The following TULP4 variants were observed in gnomAD, a reference collection of about 807,000 sequenced individuals.
TULP4 encodes tubby-related protein 4.
Under a neutral mutation model 129.0 loss-of-function variants are expected in TULP4, and 16 were observed. The ratio of observed to expected loss-of-function variants is 0.12; its 90% CI spans 0.08 to 0.19. The LOEUF (loss-of-function observed/expected upper bound fraction) is 0.19, where lower values mean the gene tolerates loss of function less well. TULP4 is among the 10% of genes least tolerant of loss of function. TULP4 has a pLI of 1.00. For synonymous variants in TULP4, 998 were observed against 854.0 expected (o/e 1.17, Z -2.94); for missense variants, 1,842 against 2,059.1 (o/e 0.89, Z 2.04).
intron 1 of TULP4, among the ~76,000 whole-genome samples, chr6:158,340,887 A>G (rs1047462236): frequency 6.6e-6 from 1 of 152,172 alleles, no homozygotes; most frequent in African/African-American, 2.4e-5. Flanking sequence ...GCTGCTTGAG[A>G]GGGCACAAAT....
At chr6:158,277,815 C>T (rs546530758), upstream of TULP4, among the ~76,000 whole-genome samples, 1 of 152,266 alleles carries the variant, frequency 6.6e-6, no homozygotes, top group South Asian at 2.1e-4. Flanking sequence ...GAAACAACTC[C>T]CTGTAACAGT....
At chr6:158,385,795 A>T (rs1777429377) in intron 1 of TULP4, among the ~76,000 whole-genome samples, 1 of 141,772 alleles carries the variant, frequency 7.1e-6, no homozygotes. Flanking sequence ...AGATATGATG[A>T]CATGCAGCTC....
chr6:158,474,242 GAACA>G (rs1779761213), intron 6 of TULP4, among the ~76,000 whole-genome samples: 2 of 152,172 alleles, frequency 1.3e-5, no homozygotes, highest in Admixed American at 6.5e-5. Flanking sequence ...GCTACAGAAA[GAACA>G]AACAAAGGGT....
At chr6:158,285,950 A>C (rs930374714) in intron 1 of TULP4, among the ~76,000 whole-genome samples, 1 of 152,236 alleles carries the variant, frequency 6.6e-6, no homozygotes, top group African/African-American at 2.4e-5. Flanking sequence ...AGTCCTTTCT[A>C]TATGAAAAAC....
chr6:158,463,705 A>AG (rs1779495209), intron 6 of TULP4, among the ~76,000 whole-genome samples: 1 of 149,600 alleles, frequency 6.7e-6, no homozygotes, highest in Non-Finnish European at 1.5e-5. Context: ...TCATTAAAAA[A>AG]AAAAAAAGAA....
intron 2 of TULP4, among the ~76,000 whole-genome samples, chr6:158,420,345 G>GC (rs1193326424): frequency 1.3e-5 from 2 of 152,166 alleles, no homozygotes. Flanking sequence ...GCCATAGCTT[G>GC]CCAATCCCTG....
chr6:158,436,515 T>C (rs1423497122), intron 3 of TULP4, among the ~76,000 whole-genome samples: 3 of 152,186 alleles, frequency 2.0e-5, no homozygotes, highest in African/African-American at 7.2e-5. Context: ...TACAGGAATC[T>C]CCCTATTTAA....
intron 1 of TULP4, among the ~76,000 whole-genome samples, chr6:158,346,458 ACTCT>A (rs757962915): frequency 9.9e-4 from 151 of 151,788 alleles, no homozygotes; most frequent in Non-Finnish European, 8.4e-4. Flanking sequence ...TCTGAACATA[ACTCT>A]CGTATGCACT....
chr6:158,239,408 G>A (rs1190843879), intron 1 of TULP4, among the ~76,000 whole-genome samples: 3 of 68,264 alleles, frequency 4.4e-5, no homozygotes, highest in African/African-American at 9.0e-5. Context: ...GGCCGGGCGG[G>A]GGGCTGACCC....
Position 158,236,795 on chromosome 6 carries a change from C to CTTTTTTTTTTTT in TULP4, n.68+4517_68+4528dup, listed in dbSNP as rs71030149. Among the ~76,000 whole-genome samples the CTTTTTTTTTTTT allele has an allele frequency of 1.4e-3, 88 of 63,286 alleles. 11 individuals carry two copies. Among genetic ancestry groups the CTTTTTTTTTTTT allele is most frequent in the East Asian group, 2.6e-3 (8 of 3,084 alleles). 41.5% of individuals were successfully genotyped at this position (63,286 alleles called of 152,430 possible). A position where few individuals can be genotyped will look rare whatever the true frequency, so the allele number is the denominator to read the frequency against. On this transcript the variant is annotated intron_variant and non_coding_transcript_variant, in intron 1 of 1. Coordinates refer to the TULP4 transcript ENST00000620026. ...AGATGGGTAAATGCCCAATTCTTTT[C>CTTTTTTTTTTTT]TTTTTTTTTTTTTTTTTTTTTTTTT...
intron 3 of TULP4, among the ~76,000 whole-genome samples, chr6:158,432,010 G>A (rs1778640006): frequency 6.6e-6 from 1 of 150,816 alleles, no homozygotes; most frequent in African/African-American, 2.4e-5. Flanking sequence ...TGTTGTCTCA[G>A]CTAGTCAGGA....
intron 6 of TULP4, among the ~76,000 whole-genome samples, chr6:158,472,749 T>TGCA (rs997458768): frequency 1.6e-4 from 24 of 152,174 alleles, no homozygotes; most frequent in African/African-American, 4.6e-4. Context: ...GGGACGAACT[T>TGCA]GCAGCAGCAG....
chr6:158,387,416 A>C (rs1284907199), intron 1 of TULP4, among the ~76,000 whole-genome samples: 17 of 152,206 alleles, frequency 1.1e-4, no homozygotes, highest in Non-Finnish European at 1.5e-5. Context: ...TTAATCTAAA[A>C]AAAAGGAAGA....
chr6:158,353,116 T>C (rs1309673452), intron 1 of TULP4, among the ~76,000 whole-genome samples: 1 of 152,210 alleles, frequency 6.6e-6, no homozygotes, highest in Non-Finnish European at 1.5e-5. Flanking sequence ...GATATTGCTA[T>C]GTAGCATGGC....
At chr6:158,322,946 T>G (rs1369637660) in intron 1 of TULP4, among the ~76,000 whole-genome samples, 3 of 152,208 alleles carry the variant, frequency 2.0e-5, no homozygotes, top group African/African-American at 7.2e-5. Flanking sequence ...AGCAGGGCCT[T>G]GAGAAATACT....
At chr6:158,349,227 GCGCTCCT>G (rs1780416925) in intron 1 of TULP4, among the ~76,000 whole-genome samples, 2 of 139,848 alleles carry the variant, frequency 1.4e-5, no homozygotes, top group African/African-American at 2.5e-5. Context: ...CCGGGCAGAG[GCGCTCCT>G]CACATCCCAG....
chr6:158,242,636 TTCTC>T (rs1777945266), intron 1 of TULP4: 1 of 691,644 alleles, frequency 1.4e-6, no homozygotes, highest in Non-Finnish European at 2.7e-6. Context: ...CATTCAAGGC[TTCTC>T]TGAAACTTCC....
intron 1 of TULP4, among the ~76,000 whole-genome samples, chr6:158,233,880 A>G (rs529188505): frequency 8.9e-4 from 136 of 152,314 alleles, no homozygotes; most frequent in African/African-American, 2.9e-3. Flanking sequence ...AGAGCTCTAT[A>G]TTAGGGCTGT....
intron 3 of TULP4, among the ~76,000 whole-genome samples, chr6:158,430,870 T>C (rs1274033113): frequency 1.3e-5 from 2 of 152,222 alleles, no homozygotes; most frequent in African/African-American, 2.4e-5. Flanking sequence ...GATTTAAGTT[T>C]ATTATTGGTA....
Sources: allele counts gnomAD v4.1 joint callset (sites outside exome capture counted in the v4.1 genomes callset), GRCh38; gene constraint gnomAD v4.1.1; transcripts MANE v1.5; gene names NCBI Gene and HGNC (gene_info 2026-07-23, HGNC 2026-07-21).